CAST: variants seen among roughly 807,000 people sequenced by gnomAD.
The protein encoded by CAST is MIR583 host.
A neutral mutation model predicts 119.6 loss-of-function variants in CAST; 76 were observed. That is an observed-to-expected ratio of 0.64 (90% CI 0.53 to 0.77). The LOEUF (loss-of-function observed/expected upper bound fraction) is 0.77, where lower values mean the gene tolerates loss of function less well. Ranked by LOEUF, CAST falls within the 30% of genes least tolerant of loss-of-function variation. The pLI is 0.00. For synonymous variants in CAST, 319 were observed against 331.6 expected, an observed-to-expected ratio of 0.96 and a Z score of 0.41; for missense variants, 953 against 946.5, an observed-to-expected ratio of 1.01 and a Z score of -0.09.
upstream of CAST, among the ~76,000 whole-genome samples, chr5:96,523,933 G>A (rs1023189415): frequency 6.6e-6 from 1 of 152,236 alleles, no homozygotes; most frequent in African/African-American, 2.4e-5. Context: ...GCTGGGAAAT[G>A]TAGTGTCTAT....
At chr5:96,621,811 T>G (rs957123259) in intron 1 of CAST, among the ~76,000 whole-genome samples, 5 of 152,104 alleles carry the variant, frequency 3.3e-5, no homozygotes, top group Non-Finnish European at 7.4e-5. Flanking sequence ...ATCTTACTGT[T>G]GACATCCTTC....
the CAST span, among the ~76,000 whole-genome samples, chr5:96,179,201 C>A: frequency 6.6e-6 from 1 of 152,172 alleles, no homozygotes; most frequent in African/African-American, 2.4e-5. Flanking sequence ...ATGACCATCT[C>A]ATTCTTTTAC....
At chr5:96,241,230 A>C in the CAST span, among the ~76,000 whole-genome samples, 2 of 113,878 alleles carry the variant, frequency 1.8e-5, no homozygotes, top group African/African-American at 6.9e-5. Context: ...ACCCCACAAC[A>C]GTCCCCAGAG....
At chr5:96,681,806 C>T (rs1751464488) in intron 2 of CAST, among the ~76,000 whole-genome samples, 1 of 148,972 alleles carries the variant, frequency 6.7e-6, no homozygotes, top group Non-Finnish European at 1.5e-5. Context: ...ATTAATTTGT[C>T]TTGGAATGTC....
chr5:96,505,057 A>G, the CAST span, among the ~76,000 whole-genome samples: 120 of 152,336 alleles, frequency 7.9e-4, 2 homozygotes, highest in Admixed American at 5.3e-3. Flanking sequence ...TGTCTCTGCT[A>G]TGAACATTTC....
intron 1 of CAST, among the ~76,000 whole-genome samples, chr5:96,555,747 C>T (rs1292465574): frequency 6.6e-6 from 1 of 152,226 alleles, no homozygotes; most frequent in Non-Finnish European, 1.5e-5. Flanking sequence ...CTGGGTGGAG[C>T]CCACTACAGC....
chr5:96,200,089 A>G, the CAST span, among the ~76,000 whole-genome samples: 1,092 of 152,238 alleles, frequency 7.2e-3, 16 homozygotes, highest in African/African-American at 0.024. Flanking sequence ...TCGGCGCTGA[A>G]CACCAGCTTT....
the CAST span, chr5:96,425,819 C>G: frequency 4.6e-6 from 7 of 1,510,080 alleles, no homozygotes; most frequent in Non-Finnish European, 6.5e-6. Context: ...TAGGTACTTA[C>G]CAAGTACCAT....
At chr5:96,038,594 T>C in the CAST span, among the ~76,000 whole-genome samples, 1 of 142,492 alleles carries the variant, frequency 7.0e-6, no homozygotes, top group Non-Finnish European at 1.5e-5. Flanking sequence ...ATTGTTCAAC[T>C]CCCACTTATG....
At chr5:96,103,281 G>A in the CAST span, among the ~76,000 whole-genome samples, 1 of 151,374 alleles carries the variant, frequency 6.6e-6, no homozygotes, top group Non-Finnish European at 1.5e-5. Context: ...CATGTGCCAT[G>A]CTGGTGTGCT....
the CAST span, among the ~76,000 whole-genome samples, chr5:96,245,112 A>T: frequency 3.3e-5 from 5 of 152,252 alleles, no homozygotes; most frequent in African/African-American, 1.2e-4. Context: ...CTCAAATCAC[A>T]TACATTCATA....
the CAST span, among the ~76,000 whole-genome samples, chr5:96,413,503 C>G: frequency 1.3e-5 from 2 of 152,088 alleles, no homozygotes; most frequent in Non-Finnish European, 2.9e-5. Flanking sequence ...AGAAATTGTT[C>G]AAAAATGCAT....
At chr5:96,746,988 A>G (rs1763892941) in intron 17 of CAST, among the ~76,000 whole-genome samples, 1 of 152,246 alleles carries the variant, frequency 6.6e-6, no homozygotes, top group Non-Finnish European at 1.5e-5. Flanking sequence ...TGTTATAGGA[A>G]TGATATCCAC....
the CAST span, among the ~76,000 whole-genome samples, chr5:95,979,781 G>GT: frequency 6.6e-6 from 1 of 152,086 alleles, no homozygotes; most frequent in Admixed American, 6.6e-5. Context: ...AAAGTCCCAT[G>GT]TTTTTTCTAT....
At chr5:96,519,209 T>C in the CAST span, among the ~76,000 whole-genome samples, 1 of 152,130 alleles carries the variant, frequency 6.6e-6, no homozygotes, top group African/African-American at 2.4e-5. Context: ...GAGAGTGAAA[T>C]ATATAGAACC....
chr5:96,744,523 C>T (rs1368275455), intron 16 of CAST, among the ~76,000 whole-genome samples: 4 of 152,288 alleles, frequency 2.6e-5, no homozygotes, highest in Non-Finnish European at 4.4e-5. Flanking sequence ...TCCCACGACA[C>T]GTGGGAATTA....
chr5:96,662,067 G>A (rs973349765), upstream of CAST: 1 of 222,414 alleles, frequency 4.5e-6, no homozygotes, highest in Non-Finnish European at 8.7e-6. Context: ...ACAACTGCAA[G>A]CTAGATCTGG....
the CAST span, among the ~76,000 whole-genome samples, chr5:96,349,139 A>ATTTTT: frequency 3.2e-3 from 286 of 89,632 alleles, 25 homozygotes; most frequent in African/African-American, 0.011. Context: ...CAAGGACACT[A>ATTTTT]TTTTTTTTTT....
the CAST span, among the ~76,000 whole-genome samples, chr5:96,496,224 T>C: frequency 6.6e-6 from 1 of 152,238 alleles, no homozygotes; most frequent in Admixed American, 6.5e-5. Flanking sequence ...CATATAGTTT[T>C]AATTTTATCA....
Sources: allele counts gnomAD v4.1 joint callset (sites outside exome capture counted in the v4.1 genomes callset), GRCh38; gene constraint gnomAD v4.1.1; transcripts MANE v1.5; gene names NCBI Gene and HGNC (gene_info 2026-07-23, HGNC 2026-07-21).